Variants in IQCE observed in about 807,000 individuals in gnomAD.
IQCE encodes the protein IQ domain-containing protein E.
In IQCE, 115 loss-of-function variants were observed where a neutral mutation model predicts 96.0. The ratio of observed to expected loss-of-function variants is 1.20; its 90% CI spans 1.03 to 1.40. The LOEUF (loss-of-function observed/expected upper bound fraction) is 1.40, where lower values mean the gene tolerates loss of function less well. Ranked by LOEUF, IQCE falls within the 40% of genes most tolerant of loss-of-function variation. The pLI is 0.00. For missense variants in IQCE, 1,041 were observed against 909.1 expected (o/e 1.15, Z -1.87); for synonymous variants, 412 against 371.2 (o/e 1.11, Z -1.26).
At chr7:2,590,978 C>A (rs558806488) in intron 14 of IQCE, among the ~76,000 whole-genome samples, 1 of 152,024 alleles carries the variant, frequency 6.6e-6, no homozygotes. Context: ...TCCAGCCTGA[C>A]GCAGTGGCTC....
chr7:2,605,515 G>C (rs996974405), intron 19 of IQCE, among the ~76,000 whole-genome samples: 2 of 152,118 alleles, frequency 1.3e-5, no homozygotes, highest in Non-Finnish European at 2.9e-5. Context: ...AGCTACTCAG[G>C]AGGCTGAGGC....
chr7:2,569,524 C>T (rs1781608735), intron 3 of IQCE, among the ~76,000 whole-genome samples: 1 of 152,182 alleles, frequency 6.6e-6, no homozygotes, highest in Non-Finnish European at 1.5e-5. Context: ...GCATTTGCCA[C>T]CCTGCTTGTC....
Position 2,571,518 on chromosome 7 carries a change from T to C in IQCE, c.131-8T>C, listed in dbSNP as rs373032628. 84 of 1,605,916 alleles carry C rather than the reference T, an allele frequency of 5.2e-5. No individual in the cohort carries two copies. Among genetic ancestry groups the C allele is most frequent in the South Asian group, 1.8e-4 (16 of 91,068 alleles). ...GGCACCTCTGAATCCACGTGTTGGC[T>C]TTTCCAGAGTCACCTTATCTCTCTA... On this transcript the variant is annotated splice_polypyrimidine_tract_variant and splice_region_variant and intron_variant, in intron 3 of 21. Coordinates refer to ENST00000402050, the MANE Select transcript of IQCE (RefSeq NM_152558.5).
chr7:2,587,702 TCTGC>T, intron 12 of IQCE, 116 bp from the exon 13 acceptor site: 2 of 972,218 alleles, frequency 2.1e-6, no homozygotes, highest in Non-Finnish European at 3.3e-6. Flanking sequence ...TCGGTGTGGC[TCTGC>T]AGCCCCGCAG....
intron 15 of IQCE, 30 bp from the exon 16 acceptor site, chr7:2,594,856 G>C (rs973919890): frequency 6.7e-7 from 1 of 1,491,968 alleles, no homozygotes; most frequent in Non-Finnish European, 9.4e-7. Context: ...TGACAGGTGA[G>C]GTGTCTCATC....
At chr7:2,607,463 T>G in intron 21 of IQCE, 2 of 1,311,142 alleles carry the variant, frequency 1.5e-6, no homozygotes, top group Non-Finnish European at 1.9e-6. Flanking sequence ...CTGTCTTTAT[T>G]TTTTGCTCTC....
Position 2,594,867 on chromosome 7 carries a change from T to G in IQCE, c.1350-19T>G. 1.3e-6 allele frequency: 2 copies of G among 1,574,514 alleles called. No individual in the cohort carries two copies. Among genetic ancestry groups the G allele is most frequent in the Non-Finnish European group, 1.7e-6 (2 of 1,144,506 alleles). ...ATAGTGACAGGTGAGGTGTCTCATCTTTTCCCTTTCCGCCTTAGAGAGGAG... is the reference window on the plus strand; with the variant it reads ...ATAGTGACAGGTGAGGTGTCTCATCGTTTCCCTTTCCGCCTTAGAGAGGAG... On this transcript the variant is annotated intron_variant, in intron 15 of 21. Coordinates refer to ENST00000402050, the MANE Select transcript of IQCE (RefSeq NM_152558.5).
In IQCE at chr7:2,603,919, A is replaced by G. The variant is rs533071395; in HGVS notation, c.1633-962A>G. 1.7e-4 allele frequency among the ~76,000 whole-genome samples: 26 copies of G among 151,684 alleles called. No individual in the cohort carries two copies. The South Asian group carries it at 5.0e-3, about 29-fold the overall frequency. The stretch of plus-strand genomic sequence containing the variant: ...TCAGGCTGGGAGGGTTCACAGGGCT[A>G]GAGGCAGATCGTTCAAAAATAAGTG... On this transcript the variant is annotated intron_variant, in intron 18 of 21. Coordinates refer to ENST00000402050, the MANE Select transcript of IQCE (RefSeq NM_152558.5).
intron 1 of IQCE, among the ~76,000 whole-genome samples, chr7:2,562,550 T>G (rs1781042628): frequency 6.6e-6 from 1 of 151,912 alleles, no homozygotes; most frequent in Admixed American, 6.6e-5. Context: ...ACCATGTGGT[T>G]CTGGGTGTTT....
intron 14 of IQCE, among the ~76,000 whole-genome samples, chr7:2,591,380 C>T (rs982591629): frequency 1.3e-5 from 2 of 152,158 alleles, no homozygotes; most frequent in African/African-American, 2.4e-5. Flanking sequence ...CGGCCTGGCT[C>T]CTGTCCTCCT....
intron 11 of IQCE, 87 bp downstream of exon 11, chr7:2,584,372 G>A: frequency 7.9e-7 from 1 of 1,263,998 alleles, no homozygotes; most frequent in South Asian, 1.2e-5. Context: ...TCACGTGGGT[G>A]CGGCATATAC....
chr7:2,583,877 GGGGCGGA>G (rs1303247819), intron 10 of IQCE, among the ~76,000 whole-genome samples, 168 bp downstream of exon 10: 1 of 77,192 alleles, frequency 1.3e-5, no homozygotes, highest in African/African-American at 5.4e-5. Context: ...GCTGGGTGGC[GGGGCGGA>G]GGGCGGGCAC....
intron 14 of IQCE, among the ~76,000 whole-genome samples, chr7:2,592,741 T>C (rs1583475423): frequency 6.6e-6 from 1 of 152,206 alleles, no homozygotes; most frequent in Non-Finnish European, 1.5e-5. Context: ...GAGTGGCGGC[T>C]GGAGGGGCAA....
chr7:2,579,014 G>C (rs1389997752), intron 8 of IQCE, among the ~76,000 whole-genome samples: 1 of 150,460 alleles, frequency 6.6e-6, no homozygotes, highest in East Asian at 1.9e-4. Context: ...AGTTGAGATC[G>C]CGCCACTGCA....
rs755864550 is a variant in IQCE, at chr7:2,582,574, G to A, written c.631-6G>A. ...GGCCTGCCTGATGGGCACGTTCCCC[G>A]GGCAGGTCATTAACGGGCTGAAGCA... On this transcript the variant is annotated splice_region_variant and splice_polypyrimidine_tract_variant and intron_variant, in intron 8 of 21. Transcript: ENST00000402050. 8 of 1,613,562 alleles carry A rather than the reference G, an allele frequency of 5.0e-6. No homozygotes were observed. Among genetic ancestry groups the A allele is most frequent in the African/African-American group, 2.7e-5 (2 of 74,914 alleles).
intron 4 of IQCE, among the ~76,000 whole-genome samples, 175 bp from the exon 5 acceptor site, chr7:2,572,017 A>G (rs995320634): frequency 6.6e-6 from 1 of 152,188 alleles, no homozygotes; most frequent in African/African-American, 2.4e-5. Flanking sequence ...TGTAATCAGG[A>G]CTGTATTAAT....
intron 1 of IQCE, among the ~76,000 whole-genome samples, chr7:2,559,819 T>G (rs1583366369): frequency 1.6e-5 from 2 of 128,964 alleles, no homozygotes; most frequent in Non-Finnish European, 1.6e-5. Context: ...ATTAAGATCG[T>G]GTCAGAAAGT....
At chr7:2,586,079 A>T in intron 11 of IQCE, 129 bp from the exon 12 acceptor site, 1 of 774,380 alleles carries the variant, frequency 1.3e-6, no homozygotes, top group Non-Finnish European at 2.0e-6. Context: ...GATTTCAAAT[A>T]CTCACCTGCA....
chr7:2,583,543 TCTC>T (rs1268190517), intron 9 of IQCE, 91 bp from the exon 10 acceptor site: 2 of 851,316 alleles, frequency 2.3e-6, no homozygotes, highest in South Asian at 1.7e-5. Context: ...TTCCAAAGCC[TCTC>T]CTCTTCTGAA....
Sources: gnomAD v4.1 joint callset for allele counts (sites outside exome capture counted in the v4.1 genomes callset) on GRCh38, gnomAD v4.1.1 for gene constraint, MANE v1.5 for transcripts, NCBI Gene and HGNC (gene_info 2026-07-23, HGNC 2026-07-21) for gene names.